FRY: variants seen among roughly 807,000 people sequenced by gnomAD.
FRY encodes protein furry homolog.
FRY carries 128 observed loss-of-function variants against 348.4 expected under a neutral mutation model. That is an observed-to-expected ratio of 0.37 (90% CI 0.32 to 0.43). FRY has a LOEUF of 0.43. FRY is among the 20% of genes least tolerant of loss of function. The pLI, the probability that FRY is intolerant of heterozygous loss-of-function variation, is 1.00. For synonymous variants in FRY, 1,370 were observed against 1,374.7 expected (o/e 1.00, Z 0.08); for missense variants, 2,736 against 3,695.2 (o/e 0.74, Z 6.73).
intron 1 of FRY, among the ~76,000 whole-genome samples, chr13:32,066,241 A>G (rs1473752573): frequency 6.6e-6 from 1 of 152,122 alleles, no homozygotes; most frequent in Non-Finnish European, 1.5e-5. Context: ...TGGATTAGCT[A>G]TTTTGCTTCC....
chr13:32,219,390 T>A (rs1885189367), intron 36 of FRY, among the ~76,000 whole-genome samples: 2 of 144,130 alleles, frequency 1.4e-5, no homozygotes, highest in Non-Finnish European at 3.0e-5. Context: ...CGCCCGGCCG[T>A]GTTTTTATAT....
chr13:32,240,269 C>T (rs1377140665), intron 46 of FRY, among the ~76,000 whole-genome samples: 1 of 152,148 alleles, frequency 6.6e-6, no homozygotes, highest in Non-Finnish European at 1.5e-5. Context: ...GCAGAGTCAG[C>T]CTTTAAACCT....
chr13:32,163,590 A>G (rs1326118210), intron 17 of FRY, among the ~76,000 whole-genome samples: 1 of 152,176 alleles, frequency 6.6e-6, no homozygotes, highest in Non-Finnish European at 1.5e-5. Context: ...CTAATTGGTG[A>G]TTATATACAC....
intron 7 of FRY, 38 bp from the exon 8 acceptor site, chr13:32,131,634 A>T (rs1349440410): frequency 5.2e-6 from 8 of 1,524,754 alleles, no homozygotes; most frequent in African/African-American, 1.4e-5. Context: ...GGACTTTCCT[A>T]CCCAATATTT....
chr13:32,045,622 A>G (rs1016080734), intron 1 of FRY, among the ~76,000 whole-genome samples: 1 of 152,210 alleles, frequency 6.6e-6, no homozygotes, highest in Admixed American at 6.5e-5. Flanking sequence ...TTGGCGATGT[A>G]TATGCAAGCC....
chr13:32,243,541 C>T (rs1451474020), intron 46 of FRY, among the ~76,000 whole-genome samples: 1 of 152,142 alleles, frequency 6.6e-6, no homozygotes. Flanking sequence ...TGTAAGAATA[C>T]TCATTTCTTT....
In FRY at chr13:32,136,891, C is replaced by T. The variant is rs774615964; in HGVS notation, c.1098C>T (p.Thr366=). The T allele has an allele frequency of 1.9e-6, 3 of 1,604,160 alleles. No individual in the cohort carries two copies. Among genetic ancestry groups the T allele is most frequent in the Non-Finnish European group, 2.6e-6 (3 of 1,171,046 alleles). Residue 366 remains threonine, a synonymous_variant, in exon 11 of 61, where the codon ACC becomes ACT. Transcript: ENST00000542859. ...KHSLALYPLV[T]CLLCVSQKQL... ...CTCAGGCCTTGTACCCCCTGGTGAC[C>T]TGTTTGCTCTGTGTCAGTCAGAAGC...
At chr13:32,157,817 G>A (rs1176602054) in intron 16 of FRY, among the ~76,000 whole-genome samples, 2 of 152,142 alleles carry the variant, frequency 1.3e-5, no homozygotes, top group Non-Finnish European at 2.9e-5. Context: ...ATCACAGAAA[G>A]CATTTTAAGA....
Position 32,267,331 on chromosome 13 carries a change from C to T in FRY, c.8108C>T (p.Thr2703Ile), listed in dbSNP as rs1887975533. ...CDSDGSCAVYTFHVFSSLFKN... is the reference protein window; with the variant it reads ...CDSDGSCAVYIFHVFSSLFKN... ...TCAGATGGCTCCTGTGCTGTGTATA[C>T]ATTTCATGTGTTCTCCTCCTTGTTT... The change falls in exon 55 of 61, where the codon ACA becomes ATA. Residue 2703 changes from threonine to isoleucine, a missense_variant. Around this residue, in one of 9 missense-constraint regions of FRY, gnomAD observed 789 missense variants for 996.2 expected, o/e 0.79. Transcript: ENST00000542859. 1.2e-6 allele frequency: 2 copies of T among 1,614,040 alleles called. No homozygotes were observed. Among genetic ancestry groups the T allele is most frequent in the Non-Finnish European group, 1.7e-6 (2 of 1,180,010 alleles).
chr13:32,093,424 T>C (rs536767391), intron 2 of FRY, among the ~76,000 whole-genome samples: 2 of 152,304 alleles, frequency 1.3e-5, no homozygotes, highest in African/African-American at 4.8e-5. Context: ...TCAAAACTTA[T>C]TTATTGAGGA....
chr13:32,034,246 A>C (rs1262216673), intron 1 of FRY, among the ~76,000 whole-genome samples: 2 of 152,264 alleles, frequency 1.3e-5, no homozygotes, highest in Non-Finnish European at 2.9e-5. Flanking sequence ...GTAATTCCAT[A>C]AGCGTTTCCA....
In FRY at chr13:32,223,867, T is replaced by C. The variant is rs1000848294; in HGVS notation, c.4766-368T>C. 6.6e-5 allele frequency among the ~76,000 whole-genome samples: 10 copies of C among 152,264 alleles called. No homozygotes were observed. The Middle Eastern group carries it at 0.01, about 155-fold the overall frequency. On this transcript the variant is annotated intron_variant, in intron 36 of 60. Coordinates refer to ENST00000542859, the MANE Select transcript of FRY (RefSeq NM_023037.3). ...CCTCATCCTCCCAAGTAGCTGGGAT[T>C]ACAGGCACGTGCCATCATGCCTGGC...
At chr13:32,138,812 C>T (rs10492390) in intron 11 of FRY, among the ~76,000 whole-genome samples, 3,321 of 152,128 alleles carry the variant, frequency 0.022, 93 homozygotes, top group East Asian at 0.089. Context: ...TTCTAGAGTC[C>T]CTGTGCTTGA....
At chr13:32,222,032 G>A (rs779294234) in intron 36 of FRY, among the ~76,000 whole-genome samples, 1 of 152,052 alleles carries the variant, frequency 6.6e-6, no homozygotes. Flanking sequence ...AAAGCAGAGC[G>A]AGCAGGGTAG....
chr13:32,213,406 A>C (rs543481745), intron 35 of FRY, among the ~76,000 whole-genome samples: 1 of 152,234 alleles, frequency 6.6e-6, no homozygotes, highest in African/African-American at 2.4e-5. Flanking sequence ...ATGCTCATCC[A>C]TACGGGCTTC....
chr13:32,116,871 G>A (rs915611375), intron 3 of FRY, among the ~76,000 whole-genome samples: 1 of 152,074 alleles, frequency 6.6e-6, no homozygotes, highest in Admixed American at 6.5e-5. Flanking sequence ...AATAATTATT[G>A]TCCAAAACCA....
At chr13:32,162,685 C>T (rs778586455) in intron 17 of FRY, among the ~76,000 whole-genome samples, 2 of 152,096 alleles carry the variant, frequency 1.3e-5, no homozygotes, top group African/African-American at 4.8e-5. Context: ...GATTTCAAGC[C>T]GTTGTGCTCT....
chr13:32,232,699 C>A (rs1885985029), intron 41 of FRY, among the ~76,000 whole-genome samples: 1 of 152,184 alleles, frequency 6.6e-6, no homozygotes, highest in South Asian at 2.1e-4. Flanking sequence ...AATGGGGTAT[C>A]CAGTGGGTTT....
chr13:32,056,210 A>C (rs1873616319), intron 1 of FRY, among the ~76,000 whole-genome samples: 2 of 151,142 alleles, frequency 1.3e-5, no homozygotes, highest in Non-Finnish European at 2.9e-5. Flanking sequence ...AAAAAAAGGA[A>C]TATACCTGGC....
Sources: allele counts gnomAD v4.1 joint callset (sites outside exome capture counted in the v4.1 genomes callset), GRCh38; gene constraint gnomAD v4.1.1; regional missense constraint gnomAD v4.1.1; transcripts MANE v1.5; gene names NCBI Gene and HGNC (gene_info 2026-07-23, HGNC 2026-07-21).